The following KIF26B variants were observed in gnomAD, a reference collection of about 807,000 sequenced individuals.
The protein encoded by KIF26B is kinesin-like protein KIF26B.
Under a neutral mutation model 151.2 loss-of-function variants are expected in KIF26B, and 63 were observed. That is an observed-to-expected ratio of 0.42 (90% CI 0.34 to 0.51). The LOEUF (loss-of-function observed/expected upper bound fraction) is 0.51. Ranked by LOEUF, KIF26B falls within the 20% of genes least tolerant of loss-of-function variation. The pLI is 0.07. For synonymous variants in KIF26B, 1,357 were observed against 1,262.1 expected (o/e 1.08, Z -1.59); for missense variants, 2,813 against 2,913.6 (o/e 0.97, Z 0.79).
Position 245,336,963 on chromosome 1 carries a change from G to A in KIF26B, c.466-29871G>A, listed in dbSNP as rs145290524. 5.5e-4 allele frequency among the ~76,000 whole-genome samples: 83 copies of A among 152,188 alleles called. 1 individual carries two copies. Among genetic ancestry groups the A allele is most frequent in the Non-Finnish European group, 3.5e-4 (24 of 68,008 alleles). On this transcript the variant is annotated intron_variant, in intron 2 of 14. Coordinates refer to ENST00000407071, the MANE Select transcript of KIF26B (RefSeq NM_018012.4). ...TGACCACTTGGATTCCTGGGTAGTC[G>A]GCTGGGCCTCCTGTCTTTCTGCAGG...
chr1:245,179,356 G>T (rs2103526543), intron 2 of KIF26B, among the ~76,000 whole-genome samples: 2 of 152,278 alleles, frequency 1.3e-5, no homozygotes, highest in Middle Eastern at 3.4e-3. Context: ...GGGCGCAGTG[G>T]CTCATGCCTG....
At chr1:245,511,279 C>G (rs1660831570) in intron 4 of KIF26B, among the ~76,000 whole-genome samples, 1 of 152,114 alleles carries the variant, frequency 6.6e-6, no homozygotes, top group Non-Finnish European at 1.5e-5. Flanking sequence ...CCAGGTTGTG[C>G]AAGCTTTCTT....
chr1:245,698,292 G>A lies in KIF26B; in HGVS notation c.6011G>A (p.Arg2004Gln), dbSNP rs776366005. ...GACGTGGAGCGCCTGCAGCGGCGAC[G>A]AGGGGGTGCCAGCAAGGTGAGGCAG... Reference protein sequence around the residue: ...IDDVERLQRRRGGASKEAMCF... With the variant: ...IDDVERLQRRQGGASKEAMCF... Residue 2004 changes from arginine (R) to glutamine (Q), a missense_variant, in exon 13 of 15, where the codon CGA becomes CAA. This residue lies in a region of KIF26B where 2,060 missense variants were observed against 2,088.6 expected (regional missense o/e 0.99). Coordinates refer to ENST00000407071, the MANE Select transcript of KIF26B (RefSeq NM_018012.4). The surrounding 1 kb of genome is among the most constrained non-coding windows in gnomAD (Gnocchi z 4.0). The A allele has an allele frequency of 8.4e-5, 136 of 1,613,336 alleles. No individual in the cohort carries two copies. The highest frequency in any genetic ancestry group is 1.0e-4 in the Non-Finnish European group (120 of 1,179,830).
intron 3 of KIF26B, among the ~76,000 whole-genome samples, chr1:245,379,291 A>T (rs1240042118): frequency 6.6e-6 from 1 of 152,228 alleles, no homozygotes; most frequent in Non-Finnish European, 1.5e-5. Flanking sequence ...TGAAAGGCTC[A>T]TTGACCAGTT....
In KIF26B at chr1:245,685,448, G is replaced by C; in HGVS notation, c.2465G>C (p.Gly822Ala). ...GGCGGGGAGAGCTCCTGCGAAGAAG[G>C]CCGCATGCGCAGGCCCACCCAGCTG... ...SSGGESSCEE[G>A]RMRRPTQLRP... The change falls in exon 12 of 15, where the codon GGC (glycine) becomes GCC (alanine). Residue 822 changes from glycine to alanine, a missense_variant. Physicochemically the swap from Gly to Ala is moderately conservative, Grantham distance 60. Around this residue, in one of 3 missense-constraint regions of KIF26B, gnomAD observed 2,060 missense variants for 2,088.6 expected, o/e 0.99. Transcript: ENST00000407071. 1 of 1,613,518 alleles carries C rather than the reference G, an allele frequency of 6.2e-7. No homozygotes were observed. Among genetic ancestry groups the C allele is most frequent in the South Asian group, 1.1e-5 (1 of 91,024 alleles).
chr1:245,287,117 C>T (rs1671176168), intron 2 of KIF26B, among the ~76,000 whole-genome samples: 2 of 152,042 alleles, frequency 1.3e-5, no homozygotes, highest in Non-Finnish European at 2.9e-5. Flanking sequence ...TCAAAAAAAA[C>T]AAAATTTTTT....
intron 10 of KIF26B, among the ~76,000 whole-genome samples, chr1:245,679,002 T>C (rs67364568): frequency 0.12 from 18,047 of 152,134 alleles, 1,163 homozygotes; most frequent in Non-Finnish European, 0.13. Context: ...GATTGGTGTG[T>C]AGTCAGGACC....
intron 11 of KIF26B, 64 bp from the exon 12 acceptor site, chr1:245,685,340 AC>A: frequency 3.7e-6 from 5 of 1,359,624 alleles, no homozygotes; most frequent in Non-Finnish European, 5.1e-6. Context: ...CTTGCCGCGC[AC>A]AGCTGGGCTC....
At chr1:245,615,840 T>C (rs1465023902) in intron 9 of KIF26B, among the ~76,000 whole-genome samples, 1 of 152,230 alleles carries the variant, frequency 6.6e-6, no homozygotes, top group Non-Finnish European at 1.5e-5. Context: ...CTCACTTGAC[T>C]TCAGTGAATT....
chr1:245,327,621 A>G (rs921259767), intron 2 of KIF26B, among the ~76,000 whole-genome samples: 2 of 152,162 alleles, frequency 1.3e-5, no homozygotes, highest in African/African-American at 4.8e-5. Context: ...GACAATTCCC[A>G]TGTATTGAAT....
At chr1:245,303,420 G>C (rs562576570) in intron 2 of KIF26B, among the ~76,000 whole-genome samples, 3,132 of 150,328 alleles carry the variant, frequency 0.021, 51 homozygotes, top group Non-Finnish European at 0.031. Context: ...GGATGGTCTC[G>C]ATCTCCTGAC....
rs546104825 is a variant in KIF26B at position 245,241,623 on chromosome 1, C to T, written c.465+84940C>T. 1.9e-4 allele frequency among the ~76,000 whole-genome samples: 29 copies of T among 152,362 alleles called. No homozygotes were observed. Among genetic ancestry groups the T allele is most frequent in the African/African-American group, 5.5e-4 (23 of 41,590 alleles). On this transcript the variant is annotated intron_variant, in intron 2 of 14. Coordinates refer to ENST00000407071, the MANE Select transcript of KIF26B (RefSeq NM_018012.4). The surrounding 1 kb of genome is among the most constrained non-coding windows in gnomAD (Gnocchi z 5.0). ...AATGGCCTCAGGAGACAGTGACTCA[C>T]GCTGTGTCCACCTGTGTCATCCTGT... is the stretch of plus-strand genomic sequence containing the variant.
intron 5 of KIF26B, among the ~76,000 whole-genome samples, chr1:245,562,001 A>G (rs1312446625): frequency 6.6e-6 from 1 of 152,146 alleles, no homozygotes; most frequent in South Asian, 2.1e-4. Context: ...GGTTTCTCCC[A>G]GGGCCGTTGC....
Position 245,419,611 on chromosome 1 carries a change from G to A in KIF26B, c.1032G>A (p.Glu344=), listed in dbSNP as rs1658423397. ...AGCTGATGACAGAGAGTAGCCGGGA[G>A]GGACTAACAGAAGCAGTGCTGAACC... ...ISQLMTESSR[E]GLTEAVLNRY... is the part of the protein sequence containing the mutation. The change falls in exon 4 of 15, where the codon GAG becomes GAA. Residue 344 remains glutamate, a synonymous_variant. Coordinates refer to ENST00000407071, the MANE Select transcript of KIF26B (RefSeq NM_018012.4). The A allele has an allele frequency of 6.2e-7, 1 of 1,613,064 alleles. No individual in the cohort carries two copies. Among genetic ancestry groups the A allele is most frequent in the African/African-American group, 1.3e-5 (1 of 75,016 alleles).
intron 2 of KIF26B, among the ~76,000 whole-genome samples, chr1:245,348,765 C>T (rs1397278887): frequency 2.6e-5 from 4 of 152,188 alleles, no homozygotes; most frequent in Non-Finnish European, 5.9e-5. Context: ...TCATTCATCC[C>T]ACTCCAGCCA....
At chr1:245,633,058 C>T (rs2043798303) in intron 9 of KIF26B, among the ~76,000 whole-genome samples, 1 of 152,078 alleles carries the variant, frequency 6.6e-6, no homozygotes, top group Admixed American at 6.5e-5. Flanking sequence ...GTTATAGTCT[C>T]CTGCTGAATT....
chr1:245,517,215 C>T lies in KIF26B; in HGVS notation c.1167-23552C>T, dbSNP rs148240894. On this transcript the variant is annotated intron_variant, in intron 4 of 14. Transcript: ENST00000407071. ...TCTACTAAAATACAAAAACATTAGCCGGGCGTGGTGACACGTGCCCCAGCT... is the reference window on the plus strand; with the variant it reads ...TCTACTAAAATACAAAAACATTAGCTGGGCGTGGTGACACGTGCCCCAGCT... Among the ~76,000 whole-genome samples the T allele has an allele frequency of 3.3e-3, 501 of 152,170 alleles. 2 individuals are homozygous for T. The highest frequency in any genetic ancestry group is 5.8e-3 in the Non-Finnish European group (396 of 67,998).
chr1:245,531,975 C>T (rs1319480856), intron 4 of KIF26B, among the ~76,000 whole-genome samples: 1 of 152,090 alleles, frequency 6.6e-6, no homozygotes. Flanking sequence ...ATGGGGCACA[C>T]CTGTAGTCCT....
intron 4 of KIF26B, among the ~76,000 whole-genome samples, chr1:245,424,396 C>T (rs899050019): frequency 1.3e-5 from 2 of 152,172 alleles, no homozygotes; most frequent in African/African-American, 2.4e-5. Flanking sequence ...GATCCACCTG[C>T]CTTGGCCCCC....
Sources: allele counts gnomAD v4.1 joint callset (sites outside exome capture counted in the v4.1 genomes callset), GRCh38; gene constraint gnomAD v4.1.1; regional missense constraint gnomAD v4.1.1; non-coding constraint Gnocchi (gnomAD v3.1); transcripts MANE v1.5; gene names NCBI Gene and HGNC (gene_info 2026-07-23, HGNC 2026-07-21).